Variants in IGDCC4 observed in about 807,000 individuals in gnomAD.
IGDCC4 encodes likely ortholog of mouse neighbor of Punc E11.
IGDCC4 carries 72 observed loss-of-function variants against 116.6 expected under a neutral mutation model. That is an observed-to-expected ratio of 0.62 (90% CI 0.51 to 0.75). IGDCC4 has a LOEUF of 0.75. Ranked by LOEUF, IGDCC4 falls within the 30% of genes least tolerant of loss-of-function variation. The pLI is 0.00. For missense variants in IGDCC4, 1,501 were observed against 1,662.4 expected, an observed-to-expected ratio of 0.90 and a Z score of 1.69; for synonymous variants, 709 against 719.9, an observed-to-expected ratio of 0.98 and a Z score of 0.24.
chr15:65,418,387 G>A (rs1770810723), intron 1 of IGDCC4, among the ~76,000 whole-genome samples: 1 of 152,116 alleles, frequency 6.6e-6, no homozygotes, highest in South Asian at 2.1e-4. Context: ...TCTGCTCACT[G>A]GCCAGAGCTT....
At chr15:65,394,585 C>G in intron 8 of IGDCC4, 37 bp from the exon 9 acceptor site, 6 of 1,550,438 alleles carry the variant, frequency 3.9e-6, no homozygotes, top group Non-Finnish European at 5.2e-6. Flanking sequence ...CTCTGCTCCA[C>G]CGACGTGGAA....
chr15:65,410,841 T>C lies in IGDCC4; in HGVS notation c.421+179A>G. ...GAGAAGAAGCGGGAAGATTATGGAA[T>C]ACCCAAGAATGAGGATAGACAATAC... On this transcript the variant is annotated intron_variant, in intron 2 of 19. Coordinates refer to ENST00000352385, the MANE Select transcript of IGDCC4 (RefSeq NM_020962.3). 13 of 595,230 alleles carry C rather than the reference T, an allele frequency of 2.2e-5. No individual in the cohort carries two copies. The South Asian group carries it at 2.8e-4, about 13-fold the overall frequency. The allele number at this position is 595,230 out of a possible 1,614,324, so 36.9% of individuals were successfully genotyped here.
At chr15:65,398,703 G>A (rs959453832) in intron 5 of IGDCC4, among the ~76,000 whole-genome samples, 1 of 151,854 alleles carries the variant, frequency 6.6e-6, no homozygotes, top group Non-Finnish European at 1.5e-5. Flanking sequence ...CATCCTGGCT[G>A]ACACGGTGAA....
At position 65,393,432 on chromosome 15, in the gene IGDCC4, G is replaced by A. The variant is rs1283334293; in HGVS notation, c.1814C>T (p.Thr605Ile). The change falls in exon 10 of 20, where the codon ACA becomes ATA. Residue 605 changes from threonine to isoleucine, a missense_variant. Thr to Ile is a moderately conservative substitution (Grantham distance 89). Transcript: ENST00000352385. This position sits in a 1 kb window ranked among gnomAD's most constrained non-coding sequence, Gnocchi z 4.6. ...KVYRVRISAG[T>I]AAGFGAPSQW... ...GGAGGGGGCCCCGAAGCCGGCTGCT[G>A]TACCAGCCGAAATCCGTACTCGATA... The A allele has an allele frequency of 6.2e-7, 1 of 1,613,822 alleles. No homozygotes were observed. Among genetic ancestry groups the A allele is most frequent in the Non-Finnish European group, 8.5e-7 (1 of 1,179,872 alleles).
intron 12 of IGDCC4, among the ~76,000 whole-genome samples, chr15:65,391,584 C>T (rs562355607): frequency 3.9e-5 from 6 of 152,256 alleles, no homozygotes; most frequent in East Asian, 1.9e-4. Flanking sequence ...AACTTGGGGT[C>T]GGGAGTTACT....
chr15:65,421,555 G>A (rs2063190445), intron 1 of IGDCC4, among the ~76,000 whole-genome samples: 1 of 152,184 alleles, frequency 6.6e-6, no homozygotes, highest in Non-Finnish European at 1.5e-5. Context: ...CCCGCTGTTT[G>A]GTTTTCCTGG....
chr15:65,401,077 G>C lies in IGDCC4; in HGVS notation c.701-131C>G, dbSNP rs1198757454. ...GCAATGATTCCATCTGTCAGATGGG[G>C]GACGTAGCCATAAAATTCAGCAGGG... On this transcript the variant is annotated intron_variant, in intron 4 of 19. Transcript: ENST00000352385. 7 of 1,148,856 alleles carry C rather than the reference G, an allele frequency of 6.1e-6. No homozygotes were observed. In the South Asian group the frequency reaches 8.4e-5, roughly 14 times the overall value. 71.2% of individuals were successfully genotyped at this position (1,148,856 alleles called of 1,614,324 possible).
chr15:65,402,724 G>A (rs567821562), intron 3 of IGDCC4, among the ~76,000 whole-genome samples: 10 of 152,182 alleles, frequency 6.6e-5, no homozygotes, highest in East Asian at 5.8e-4. Flanking sequence ...AAAATTAGCC[G>A]GGCGTAGTGG....
At chr15:65,402,013 G>T (rs1266866316) in intron 4 of IGDCC4, among the ~76,000 whole-genome samples, 3 of 152,160 alleles carry the variant, frequency 2.0e-5, no homozygotes, top group Admixed American at 6.5e-5. Context: ...AAGGGGCAGG[G>T]AGCAGGGCTT....
chr15:65,388,182 T>A (rs1233407810), intron 16 of IGDCC4, among the ~76,000 whole-genome samples: 2 of 150,348 alleles, frequency 1.3e-5, no homozygotes, highest in African/African-American at 4.9e-5. Flanking sequence ...AGGCGGAGGT[T>A]GCAGTGAGCC....
At chr15:65,401,071 G>C in intron 4 of IGDCC4, 125 bp from the exon 5 acceptor site, 1 of 1,218,162 alleles carries the variant, frequency 8.2e-7, no homozygotes, top group South Asian at 1.3e-5. Flanking sequence ...CCATCTGTCA[G>C]ATGGGGGACG....
intron 16 of IGDCC4, 124 bp from the exon 17 acceptor site, chr15:65,386,780 A>G (rs2091465039): frequency 4.4e-6 from 3 of 680,458 alleles, no homozygotes; most frequent in Non-Finnish European, 7.6e-6. Flanking sequence ...GATGCTCACA[A>G]TCTTCTGATA....
At chr15:65,385,792 C>T (rs762815296) in intron 18 of IGDCC4, 39 bp downstream of exon 18, 13 of 1,517,280 alleles carry the variant, frequency 8.6e-6, no homozygotes, top group Non-Finnish European at 1.2e-5. Flanking sequence ...CCCTGGTGTC[C>T]TATTTAGAAA....
chr15:65,392,119 C>T lies in IGDCC4; in HGVS notation c.2122+15G>A, dbSNP rs1338542597. On this transcript the variant is annotated intron_variant, in intron 11 of 19. Coordinates refer to ENST00000352385, the MANE Select transcript of IGDCC4 (RefSeq NM_020962.3). The stretch of plus-strand genomic sequence containing the variant: ...AGCTACATCCCTCCCTCCCCCTCCC[C>T]CCAGCCCTCCTCACCTAGCTGGGTC... 2 of 1,564,628 alleles carry T rather than the reference C, an allele frequency of 1.3e-6. No individual in the cohort carries two copies. The highest frequency in any genetic ancestry group is 1.7e-6 in the Non-Finnish European group (2 of 1,147,436).
intron 3 of IGDCC4, 135 bp from the exon 4 acceptor site, chr15:65,402,622 A>C (rs1229455680): frequency 8.4e-7 from 1 of 1,195,742 alleles, no homozygotes. Flanking sequence ...TAATCCCAGC[A>C]CTTTGGGAGG....
At chr15:65,410,064 C>G in intron 3 of IGDCC4, 114 bp downstream of exon 3, 1 of 1,270,774 alleles carries the variant, frequency 7.9e-7, no homozygotes, top group South Asian at 1.3e-5. Context: ...GGTTAACACT[C>G]AAGTCAGCTT....
rs80345655 is a variant in IGDCC4, at chr15:65,384,097, G to T, written c.3665C>A (p.Thr1222Asn). ...DLQPGEVLEE[T>N]PGDSCQLKSP... ...TTTGAGCTGGCAGCTATCTCCAGGG[G>T]TCTCCTCTAGCACCTCGCCTGGCTG... The change falls in exon 20 of 20, where the codon ACC becomes AAC. Residue 1222 changes from threonine (T) to asparagine (N), a missense_variant. By Grantham distance (65) the Thr-to-Asn change is moderately conservative (BLOSUM62 0). This residue lies in a region of IGDCC4 where 368 missense variants were observed against 355.6 expected (regional missense o/e 1.03). Transcript: ENST00000352385. The surrounding 1 kb of genome is among the most constrained non-coding windows in gnomAD (Gnocchi z 4.9). 181 of 1,613,950 alleles carry T rather than the reference G, an allele frequency of 1.1e-4. No homozygotes were observed. In the African/African-American group the frequency reaches 2.0e-3, roughly 18 times the overall value.
intron 7 of IGDCC4, 101 bp downstream of exon 7, chr15:65,395,649 G>T: frequency 8.0e-7 from 1 of 1,257,278 alleles, no homozygotes; most frequent in Non-Finnish European, 1.0e-6. Context: ...CCTTGCCGCA[G>T]AGGTACCCAT....
At chr15:65,389,493 G>A in intron 13 of IGDCC4, 82 bp from the exon 14 acceptor site, 2 of 1,590,382 alleles carry the variant, frequency 1.3e-6, no homozygotes, top group Non-Finnish European at 1.7e-6. Context: ...CTCCCCTGCA[G>A]TCAGCCCCAG....
Sources: gnomAD v4.1 joint callset for allele counts (sites outside exome capture counted in the v4.1 genomes callset) on GRCh38, gnomAD v4.1.1 for gene constraint, gnomAD v4.1.1 regional missense constraint, Gnocchi (gnomAD v3.1) non-coding constraint, MANE v1.5 for transcripts, NCBI Gene and HGNC (gene_info 2026-07-23, HGNC 2026-07-21) for gene names.